AP2A1: variants seen among roughly 807,000 people sequenced by gnomAD.
AP2A1 encodes the protein AP-2 complex subunit alpha-1.
In AP2A1, 21 loss-of-function variants were observed where a neutral mutation model predicts 107.3. The observed-to-expected ratio is 0.20, with a 90% CI of 0.14 to 0.28. AP2A1 has a LOEUF of 0.28. Among genes scored for constraint, AP2A1 ranks in the 10% least tolerant of loss-of-function variants. The pLI, the probability that AP2A1 is intolerant of heterozygous loss-of-function variation, is 1.00. For missense variants in AP2A1, 873 were observed against 1,307.7 expected, an observed-to-expected ratio of 0.67 and a Z score of 5.13; for synonymous variants, 602 against 564.8, an observed-to-expected ratio of 1.07 and a Z score of -0.93.
chr19:49,801,044 G>A lies in AP2A1; in HGVS notation c.1539G>A (p.Gly513=). ...ILGEFGNLIA[G]DPRSSPPVQF... is the part of the protein sequence containing the mutation. Reference sequence around the variant, plus strand: ...GGGAGTTTGGGAACCTGATTGCTGGGGACCCCCGCTCCAGGTGAGGGAGCC... The same window carrying A: ...GGGAGTTTGGGAACCTGATTGCTGGAGACCCCCGCTCCAGGTGAGGGAGCC... Residue 513 remains glycine (G), a synonymous_variant, in exon 12 of 23, where the codon GGG becomes GGA. Transcript: ENST00000354293. The A allele has an allele frequency of 6.2e-7, 1 of 1,606,046 alleles. No individual in the cohort carries two copies. Among genetic ancestry groups the A allele is most frequent in the Non-Finnish European group, 8.5e-7 (1 of 1,176,564 alleles).
intron 1 of AP2A1, among the ~76,000 whole-genome samples, chr19:49,778,540 G>A (rs1196623196): frequency 1.3e-5 from 2 of 152,126 alleles, no homozygotes; most frequent in Non-Finnish European, 2.9e-5. Context: ...CTGAGATCAC[G>A]CCATTGCTCT....
Position 49,785,909 on chromosome 19 carries a change from T to G in AP2A1, c.473+3185T>G, listed in dbSNP as rs894829914. ...TCCAGCCTGGGTGACAGAGCGAGAC[T>G]CCATCTCAAAAAAAAAAAACATTAG... On this transcript the variant is annotated intron_variant, in intron 4 of 22. Coordinates refer to ENST00000354293, the MANE Select transcript of AP2A1 (RefSeq NM_130787.3). The surrounding 1 kb of genome is among the most constrained non-coding windows in gnomAD (Gnocchi z 4.1). 2.0e-5 allele frequency among the ~76,000 whole-genome samples: 3 copies of G among 149,670 alleles called. No individual in the cohort carries two copies. Among genetic ancestry groups the G allele is most frequent in the Non-Finnish European group, 4.4e-5 (3 of 67,440 alleles).
In AP2A1 at chr19:49,802,030, C is replaced by T. The variant is rs867324445; in HGVS notation, c.2003C>T (p.Pro668Leu). 6.4e-7 allele frequency: 1 copy of T among 1,567,218 alleles called. No homozygotes were observed. The highest frequency in any genetic ancestry group is 8.6e-7 in the Non-Finnish European group (1 of 1,161,340). Residue 668 changes from proline (P) to leucine (L), a missense_variant, in exon 15 of 23, where the codon CCC (proline) becomes CTC (leucine). Pro to Leu is a moderately conservative substitution (Grantham distance 98). This residue lies in a region of AP2A1 where 416 missense variants were observed against 473.4 expected (regional missense o/e 0.88). Transcript: ENST00000354293. ...CTCCTGGGGCTGCGGGCAGCCCCTC[C>T]CCCGGCAGCACCCCCGGCTTCTGCA... ...ADLLGLRAAP[P>L]PAAPPASAGA...
In AP2A1 at chr19:49,791,920, A is replaced by G. The variant is rs1244727666; in HGVS notation, c.474-15A>G. ...ACTGACTCTGCTTCCCCTGCCCTGCATGGTGTCCCCACAGGGACAGCATGG... is the reference window on the plus strand; with the variant it reads ...ACTGACTCTGCTTCCCCTGCCCTGCGTGGTGTCCCCACAGGGACAGCATGG... On this transcript the variant is annotated splice_polypyrimidine_tract_variant and intron_variant, in intron 4 of 22. Coordinates refer to ENST00000354293, the MANE Select transcript of AP2A1 (RefSeq NM_130787.3). The G allele has an allele frequency of 3.1e-6, 5 of 1,599,712 alleles. No individual in the cohort carries two copies. Among genetic ancestry groups the G allele is most frequent in the South Asian group, 1.1e-5 (1 of 89,504 alleles).
At chr19:49,799,529 AC>A (rs746548689) in intron 9 of AP2A1, 34 bp downstream of exon 9, 14 of 1,605,106 alleles carry the variant, frequency 8.7e-6, no homozygotes, top group Admixed American at 3.3e-5. Flanking sequence ...CGGGCCTGCC[AC>A]CCCCCTCAGA....
At chr19:49,793,898 CTTTTTTTTTTTTTTTT>C (rs956804227) in intron 6 of AP2A1, among the ~76,000 whole-genome samples, 10 of 74,584 alleles carry the variant, frequency 1.3e-4, no homozygotes, top group Non-Finnish European at 2.4e-4. Flanking sequence ...CTCATTGTTT[CTTTTTTTTTTTTTTTT>C]TTTTTTTTTT....
intron 1 of AP2A1, among the ~76,000 whole-genome samples, chr19:49,778,642 G>A (rs2084641434): frequency 6.6e-6 from 1 of 152,082 alleles, no homozygotes; most frequent in African/African-American, 2.4e-5. Flanking sequence ...CCGTGACTCA[G>A]TAAGTATTTG....
At chr19:49,781,272 G>A (rs1408760765) in intron 1 of AP2A1, among the ~76,000 whole-genome samples, 1 of 152,150 alleles carries the variant, frequency 6.6e-6, no homozygotes, top group Non-Finnish European at 1.5e-5. Flanking sequence ...AGGGGGTGAG[G>A]ACAGCACCCA....
chr19:49,774,194 G>A (rs1190938833), intron 1 of AP2A1, among the ~76,000 whole-genome samples: 1 of 152,192 alleles, frequency 6.6e-6, no homozygotes, highest in African/African-American at 2.4e-5. Context: ...ATTGTGTGAT[G>A]GCTTTGGTCC....
intron 18 of AP2A1, chr19:49,804,216 A>G (rs1354373125): frequency 6.6e-6 from 1 of 151,794 alleles, no homozygotes; most frequent in African/African-American, 2.4e-5. Context: ...AGTCTGGGCG[A>G]CAGTCTCAAA....
chr19:49,793,898 CTTTTTTTT>C (rs956804227), intron 6 of AP2A1, among the ~76,000 whole-genome samples: 8 of 74,584 alleles, frequency 1.1e-4, no homozygotes, highest in African/African-American at 3.5e-4. Flanking sequence ...CTCATTGTTT[CTTTTTTTT>C]TTTTTTTTTT....
intron 18 of AP2A1, 193 bp downstream of exon 18, chr19:49,803,569 A>G (rs2123760763): frequency 1.6e-6 from 1 of 612,404 alleles, no homozygotes; most frequent in Non-Finnish European, 2.9e-6. Context: ...ATGACAGTGA[A>G]GTGGTGTGTG....
Position 49,778,335 on chromosome 19 carries a change from C to T in AP2A1, c.68-3422C>T, listed in dbSNP as rs185780577. Among the ~76,000 whole-genome samples the T allele has an allele frequency of 4.8e-3, 737 of 152,306 alleles. 8 individuals carry two copies. The highest frequency in any genetic ancestry group is 0.017 in the African/African-American group (696 of 41,564). ...TGGTGGCTTACACCTGTAATCCCAG[C>T]ACTTTGGGAGGCTGAGGCAGGCAGA... On this transcript the variant is annotated intron_variant, in intron 1 of 22. Coordinates refer to ENST00000354293, the MANE Select transcript of AP2A1 (RefSeq NM_130787.3).
intron 18 of AP2A1, chr19:49,803,726 A>G (rs1281842595): frequency 2.6e-6 from 1 of 377,626 alleles, no homozygotes; most frequent in Non-Finnish European, 5.1e-6. Context: ...GCGGGTCCAG[A>G]CGCTGATCAG....
intron 15 of AP2A1, chr19:49,802,542 A>C (rs984004822): frequency 1.2e-6 from 2 of 1,605,486 alleles, no homozygotes; most frequent in South Asian, 1.1e-5. Context: ...AGCGAGCTGG[A>C]GCCGCCTGCC....
At chr19:49,793,145 C>A in intron 6 of AP2A1, 53 bp downstream of exon 6, 1 of 1,468,744 alleles carries the variant, frequency 6.8e-7, no homozygotes, top group South Asian at 1.2e-5. Flanking sequence ...ATCCCTATGC[C>A]CTCTGACACC....
At chr19:49,780,947 G>A (rs2084668220) in intron 1 of AP2A1, among the ~76,000 whole-genome samples, 1 of 152,120 alleles carries the variant, frequency 6.6e-6, no homozygotes, top group African/African-American at 2.4e-5. Context: ...GGAGAAGAGG[G>A]AACGGTAGAA....
Position 49,798,068 on chromosome 19 carries a change from T to C in AP2A1, c.815-734T>C, listed in dbSNP as rs926870571. Reference sequence around the variant, plus strand: ...TGCTGCCTTGTGGTGTATTTTAGCTTGTTCCTCTATCTGGTGAATTTTCCT... The same window carrying C: ...TGCTGCCTTGTGGTGTATTTTAGCTCGTTCCTCTATCTGGTGAATTTTCCT... On this transcript the variant is annotated intron_variant, in intron 7 of 22. Transcript: ENST00000354293. Among the ~76,000 whole-genome samples the C allele has an allele frequency of 2.6e-5, 4 of 152,254 alleles. No homozygotes were observed. In the East Asian group the frequency reaches 7.7e-4, roughly 29 times the overall value.
Position 49,802,283 on chromosome 19 carries a change from C to T in AP2A1, c.2114+142C>T, listed in dbSNP as rs976682575. 4.7e-6 allele frequency: 4 copies of T among 854,354 alleles called. No homozygotes were observed. In the East Asian group the frequency reaches 1.1e-4, roughly 23 times the overall value. The allele number at this position is 854,354 out of a possible 1,614,324, so 52.9% of individuals were successfully genotyped here. On this transcript the variant is annotated intron_variant, in intron 15 of 22. Coordinates refer to ENST00000354293, the MANE Select transcript of AP2A1 (RefSeq NM_130787.3). Reference sequence around the variant, plus strand: ...ATCCTGATGCCTTCGCCAGCCCTGGCTGCTGCCTCCCCTGCCCCAGCCTCC... The same window carrying T: ...ATCCTGATGCCTTCGCCAGCCCTGGTTGCTGCCTCCCCTGCCCCAGCCTCC...
Sources: allele counts gnomAD v4.1 joint callset (sites outside exome capture counted in the v4.1 genomes callset), GRCh38; gene constraint gnomAD v4.1.1; regional missense constraint gnomAD v4.1.1; non-coding constraint Gnocchi (gnomAD v3.1); transcripts MANE v1.5; gene names NCBI Gene and HGNC (gene_info 2026-07-23, HGNC 2026-07-21).